FAM53B: variants seen among roughly 807,000 people sequenced by gnomAD.
The protein encoded by FAM53B is protein FAM53B.
FAM53B carries 12 observed loss-of-function variants against 32.7 expected under a neutral mutation model. The ratio of observed to expected loss-of-function variants is 0.37; its 90% CI spans 0.24 to 0.59. The LOEUF is 0.59. FAM53B is among the 20% of genes least tolerant of loss of function. FAM53B has a pLI of 0.72. For missense variants in FAM53B, 477 were observed against 577.7 expected, an observed-to-expected ratio of 0.83 and a Z score of 1.79; for synonymous variants, 234 against 228.7, an observed-to-expected ratio of 1.02 and a Z score of -0.21.
intron 4 of FAM53B, among the ~76,000 whole-genome samples, chr10:124,631,237 G>A (rs981419851): frequency 1.3e-5 from 2 of 152,204 alleles, no homozygotes; most frequent in African/African-American, 4.8e-5. Context: ...CCTTGCCTAC[G>A]GTAACTCGAG....
intron 4 of FAM53B, among the ~76,000 whole-genome samples, chr10:124,643,812 G>A (rs918065916): frequency 6.6e-6 from 1 of 152,346 alleles, no homozygotes; most frequent in East Asian, 1.9e-4. Context: ...CACGCTGGGC[G>A]GCTCCTGGAG....
chr10:124,630,718 T>C (rs1471178260), intron 4 of FAM53B, among the ~76,000 whole-genome samples: 2 of 151,822 alleles, frequency 1.3e-5, no homozygotes, highest in African/African-American at 4.8e-5. Context: ...CCAGTGGGGG[T>C]GGTAAATATC....
chr10:124,661,188 G>A (rs1262767482), intron 4 of FAM53B, among the ~76,000 whole-genome samples: 1 of 152,078 alleles, frequency 6.6e-6, no homozygotes, highest in Non-Finnish European at 1.5e-5. Context: ...CATGAGTACA[G>A]TGAATGTCCC....
At chr10:124,674,741 C>T (rs1454709428) in intron 4 of FAM53B, among the ~76,000 whole-genome samples, 3 of 152,374 alleles carry the variant, frequency 2.0e-5, no homozygotes, top group Middle Eastern at 3.4e-3. Flanking sequence ...TGGCGATGTC[C>T]TCAGATGTGG....
intron 1 of FAM53B, among the ~76,000 whole-genome samples, chr10:124,735,038 G>T (rs1402719278): frequency 6.6e-6 from 1 of 152,166 alleles, no homozygotes; most frequent in Non-Finnish European, 1.5e-5. Flanking sequence ...CACACCGCAG[G>T]CCGAGCTGGG....
At chr10:124,671,801 C>G (rs948912749) in intron 4 of FAM53B, among the ~76,000 whole-genome samples, 1 of 152,066 alleles carries the variant, frequency 6.6e-6, no homozygotes, top group African/African-American at 2.4e-5. Flanking sequence ...TCCTCCCCCT[C>G]CCAAAAAGGA....
At chr10:124,644,467 C>G (rs1468291338) in intron 4 of FAM53B, among the ~76,000 whole-genome samples, 2 of 152,210 alleles carry the variant, frequency 1.3e-5, no homozygotes, top group African/African-American at 4.8e-5. Flanking sequence ...AATTCCAGGA[C>G]AGCTCCTAGC....
intron 1 of FAM53B, among the ~76,000 whole-genome samples, chr10:124,734,433 G>A (rs963272157): frequency 2.0e-5 from 3 of 152,240 alleles, no homozygotes; most frequent in African/African-American, 7.2e-5. Flanking sequence ...CACAGTGGGT[G>A]AGGATGACAC....
At chr10:124,685,266 T>C (rs1167054473) in intron 3 of FAM53B, among the ~76,000 whole-genome samples, 2 of 152,248 alleles carry the variant, frequency 1.3e-5, no homozygotes, top group Non-Finnish European at 2.9e-5. Context: ...TCTTCTATAG[T>C]CTCCAAATGT....
rs1384163564 is a variant in FAM53B at position 124,621,853 on chromosome 10, G to A, written c.*1389C>T. 3.9e-5 allele frequency: 6 copies of A among 152,532 alleles called. No homozygotes were observed. The highest frequency in any genetic ancestry group is 1.9e-4 in the East Asian group (1 of 5,186). The allele number at this position is 152,532 out of a possible 1,614,324, so 9.4% of individuals were successfully genotyped here. A position where few individuals can be genotyped will look rare whatever the true frequency, so the allele number is the denominator to read the frequency against. On this transcript the variant is annotated 3_prime_UTR_variant, in exon 5 of 5. Transcript: ENST00000337318. ...GTTATTTTTAGCCTTATGGGAAAAT[G>A]AGCCACTTGCTCCTAAGCCAGCCCA...
At chr10:124,684,094 G>C (rs1482418799) in intron 3 of FAM53B, among the ~76,000 whole-genome samples, 1 of 152,268 alleles carries the variant, frequency 6.6e-6, no homozygotes, top group Non-Finnish European at 1.5e-5. Context: ...AAGGTCATGA[G>C]ATACAAACTG....
intron 4 of FAM53B, among the ~76,000 whole-genome samples, chr10:124,647,135 C>T (rs1039728124): frequency 2.6e-5 from 4 of 152,228 alleles, no homozygotes; most frequent in Admixed American, 6.5e-5. Context: ...GCCGCATGTG[C>T]TGATGGTCAG....
chr10:124,631,471 G>A (rs1259454276), intron 4 of FAM53B, among the ~76,000 whole-genome samples: 1 of 152,190 alleles, frequency 6.6e-6, no homozygotes, highest in African/African-American at 2.4e-5. Flanking sequence ...CAGGTGCCCT[G>A]TGGACTCCAC....
chr10:124,740,831 G>A (rs1950195299), intron 1 of FAM53B, among the ~76,000 whole-genome samples: 1 of 152,204 alleles, frequency 6.6e-6, no homozygotes. Flanking sequence ...GGCGTGGAGG[G>A]GAGGGTAGCA....
chr10:124,699,442 AGGC>A (rs1949898813), intron 2 of FAM53B, among the ~76,000 whole-genome samples: 1 of 152,204 alleles, frequency 6.6e-6, no homozygotes, highest in African/African-American at 2.4e-5. Context: ...GCCGCCCTGC[AGGC>A]TAGCCTGGCC....
In FAM53B at chr10:124,682,922, T is replaced by C. The variant is rs1409884779; in HGVS notation, c.134-543A>G. ...GCACTGCCAGGTTAGTTCACCCCAA[T>C]TCCACCTTGAAAGCCTTTGCTGATA... On this transcript the variant is annotated intron_variant, in intron 3 of 4. Coordinates refer to ENST00000337318, the MANE Select transcript of FAM53B (RefSeq NM_014661.4). The surrounding 1 kb of genome is among the most constrained non-coding windows in gnomAD (Gnocchi z 5.2). 6.6e-6 allele frequency among the ~76,000 whole-genome samples: 1 copy of C among 152,212 alleles called. No individual in the cohort carries two copies. The highest frequency in any genetic ancestry group is 1.5e-5 in the Non-Finnish European group (1 of 68,040).
chr10:124,629,821 C>A (rs958937931), intron 4 of FAM53B, among the ~76,000 whole-genome samples: 20 of 152,344 alleles, frequency 1.3e-4, no homozygotes, highest in African/African-American at 4.8e-4. Context: ...CCATCTTTAA[C>A]CCATCTCTGG....
intron 1 of FAM53B, among the ~76,000 whole-genome samples, chr10:124,736,782 A>G (rs1434192528): frequency 6.6e-6 from 1 of 152,258 alleles, no homozygotes; most frequent in Non-Finnish European, 1.5e-5. Context: ...CAGCGGCCCC[A>G]GACAGGACCT....
At position 124,622,546 on chromosome 10, in the gene FAM53B, A is replaced by G. The variant is rs1949318093; in HGVS notation, c.*696T>C. On this transcript the variant is annotated 3_prime_UTR_variant, in exon 5 of 5. Coordinates refer to ENST00000337318, the MANE Select transcript of FAM53B (RefSeq NM_014661.4). ...CAGATCCACCAAATTTCTACCCAAC[A>G]CGGGAGGCCCTAACAAGCACCCTCC... The G allele has an allele frequency of 6.6e-6, 1 of 152,156 alleles. No homozygotes were observed. 9.4% of individuals were successfully genotyped at this position (152,156 alleles called of 1,614,324 possible).
Sources: allele counts gnomAD v4.1 joint callset (sites outside exome capture counted in the v4.1 genomes callset), GRCh38; gene constraint gnomAD v4.1.1; non-coding constraint Gnocchi (gnomAD v3.1); transcripts MANE v1.5; gene names NCBI Gene and HGNC (gene_info 2026-07-23, HGNC 2026-07-21).